Variants in B3GAT1 observed in about 807,000 individuals in gnomAD.
B3GAT1 encodes beta-1,3-glucuronyltransferase 1, also known as galactosylgalactosylxylosylprotein 3-beta-glucuronosyltransferase 1.
Under a neutral mutation model 28.4 loss-of-function variants are expected in B3GAT1, and 11 were observed. The observed-to-expected ratio is 0.39, with a 90% confidence interval of 0.24 to 0.64. The LOEUF (loss-of-function observed/expected upper bound fraction) is 0.64, where lower values mean the gene tolerates loss of function less well. Among genes scored for constraint, B3GAT1 ranks in the 30% least tolerant of loss-of-function variants. The probability of loss-of-function intolerance (pLI) is 0.50; values close to 1 mark genes in which losing one functional copy is unlikely to be tolerated. For synonymous variants in B3GAT1, 255 were observed against 223.1 expected, an observed-to-expected ratio of 1.14 and a Z score of -1.27; for missense variants, 375 against 491.0, an observed-to-expected ratio of 0.76 and a Z score of 2.23.
chr11:134,403,236 A>G (rs905631825), intron 1 of B3GAT1, among the ~76,000 whole-genome samples: 1 of 151,966 alleles, frequency 6.6e-6, no homozygotes, highest in Admixed American at 6.6e-5. Context: ...TCCCATCCCC[A>G]GGTAGACTCT....
At chr11:134,396,646 C>T (rs571687855) in intron 1 of B3GAT1, among the ~76,000 whole-genome samples, 63 of 152,260 alleles carry the variant, frequency 4.1e-4, no homozygotes, top group African/African-American at 1.5e-3. Context: ...TCAGGCAAAC[C>T]GTCTGCCACA....
chr11:134,383,136 G>T (rs2136302715), intron 3 of B3GAT1, 130 bp from the exon 4 acceptor site: 1 of 1,022,890 alleles, frequency 9.8e-7, no homozygotes, highest in Non-Finnish European at 1.4e-6. Context: ...CCTAGGGGGT[G>T]TCCAGTACAG....
intron 1 of B3GAT1, among the ~76,000 whole-genome samples, chr11:134,399,614 A>C (rs1302771540): frequency 6.6e-6 from 1 of 152,156 alleles, no homozygotes; most frequent in African/African-American, 2.4e-5. Flanking sequence ...GCAGTCCAGA[A>C]CCCAGAAAGG....
chr11:134,387,621 G>T lies in B3GAT1; in HGVS notation c.39C>A (p.Ile13=), dbSNP rs185221306. The change falls in exon 2 of 6, where the codon ATC becomes ATA. Residue 13 remains isoleucine, a synonymous_variant. Transcript: ENST00000312527. ...TGATGAGCAGAGTCCAGGGCAGCAC[G>T]ATGAGGACGATCGCTAGGATGTCCC... The part of the protein sequence containing the change: ...KRRDILAIVL[I]VLPWTLLITV... The T allele has an allele frequency of 6.2e-7, 1 of 1,614,188 alleles. No individual in the cohort carries two copies.
In B3GAT1 at chr11:134,411,276, A is replaced by G. The variant is rs1378596446; in HGVS notation, c.-282+531T>C. Among the ~76,000 whole-genome samples the G allele has an allele frequency of 6.6e-6, 1 of 152,072 alleles. No homozygotes were observed. The highest frequency in any genetic ancestry group is 1.5e-5 in the Non-Finnish European group (1 of 68,006). On this transcript the variant is annotated intron_variant, in intron 1 of 5. Coordinates refer to ENST00000312527, the MANE Select transcript of B3GAT1 (RefSeq NM_054025.3). The surrounding 1 kb of genome is among the most constrained non-coding windows in gnomAD (Gnocchi z 6.0). ...CGCCTCCTTCCTCCTTGCTACACCG[A>G]AGGTCCCAAGGGCCCTTTGCCACCC...
Position 134,383,683 on chromosome 11 carries a change from T to C in B3GAT1, c.618A>G (p.Glu206=). 1 of 1,566,792 alleles carries C rather than the reference T, an allele frequency of 6.4e-7. No homozygotes were observed. Among genetic ancestry groups the C allele is most frequent in the East Asian group, 2.3e-5 (1 of 43,810 alleles). The change falls in exon 3 of 6, where the codon GAA becomes GAG. Residue 206 remains glutamate, a synonymous_variant. Transcript: ENST00000312527. ...DDNTYSLELF[E]EMRSTRRVSV... Reference sequence around the variant, plus strand: ...TCACTGTCGGGCCCTCCCTCACCTCTTCGAAGAGCTCCAGGCTGTAGGTGT... The same window carrying C: ...TCACTGTCGGGCCCTCCCTCACCTCCTCGAAGAGCTCCAGGCTGTAGGTGT...
intron 5 of B3GAT1, chr11:134,381,545 A>G: frequency 9.0e-6 from 2 of 221,940 alleles, no homozygotes; most frequent in South Asian, 8.0e-5. Flanking sequence ...AGTCCTCACC[A>G]TGGCCACGTG....
intron 1 of B3GAT1, among the ~76,000 whole-genome samples, chr11:134,400,784 AAAG>A (rs1251429454): frequency 6.6e-6 from 1 of 152,244 alleles, no homozygotes; most frequent in African/African-American, 2.4e-5. Flanking sequence ...TAATTAAACT[AAAG>A]AGCTTCTGTG....
chr11:134,399,063 G>T (rs1039750584), intron 1 of B3GAT1, among the ~76,000 whole-genome samples: 1 of 152,194 alleles, frequency 6.6e-6, no homozygotes, highest in African/African-American at 2.4e-5. Context: ...CCCCGGGGGG[G>T]CTCACTGCAG....
Position 134,412,098 on chromosome 11 carries a change from G to GGGGGA in B3GAT1, c.-574_-573insTCCCC, listed in dbSNP as rs1565463028. 1.9e-4 allele frequency among the ~76,000 whole-genome samples: 9 copies of GGGGGA among 48,258 alleles called. No homozygotes were observed. The highest frequency in any genetic ancestry group is 1.4e-3 in the East Asian group (1 of 702). 31.7% of individuals were successfully genotyped at this position (48,258 alleles called of 152,430 possible). A position where few individuals can be genotyped will look rare whatever the true frequency, so the allele number is the denominator to read the frequency against. On this transcript the variant is annotated 5_prime_UTR_variant, in exon 1 of 6. Transcript: ENST00000312527. ...GCGGGCAGGGAGGCGGGGGGCGGGGGGCGGGGAGGGGGAGCGGGGAGGGGG... is the reference window on the plus strand; with the variant it reads ...GCGGGCAGGGAGGCGGGGGGCGGGGGGGGGAGCGGGGAGGGGGAGCGGGGAGGGGG...
At position 134,383,892 on chromosome 11, in the gene B3GAT1, T is replaced by G. The variant is rs746416551; in HGVS notation, c.409A>C (p.Thr137Pro). 1 of 1,595,948 alleles carries G rather than the reference T, an allele frequency of 6.3e-7. No homozygotes were observed. The highest frequency in any genetic ancestry group is 8.5e-7 in the Non-Finnish European group (1 of 1,175,308). ...TPLTARLLRD[T>P]GLNYTHLHVE... is the part of the protein sequence containing the mutation. ...TGCAGGTGCGTGTAGTTGAGGCCGG[T>G]GTCGCGCAGCAGGCGCGCGGTCAGC... Residue 137 changes from threonine to proline, a missense_variant, in exon 3 of 6, where the codon ACC (threonine) becomes CCC (proline). Physicochemically the swap from Thr to Pro is conservative, Grantham distance 38. Coordinates refer to ENST00000312527, the MANE Select transcript of B3GAT1 (RefSeq NM_054025.3).
Position 134,382,978 on chromosome 11 carries a change from C to T in B3GAT1, c.650G>A (p.Trp217Ter). 6.3e-7 allele frequency: 1 copy of T among 1,585,396 alleles called. No homozygotes were observed. Among genetic ancestry groups the T allele is most frequent in the Non-Finnish European group, 8.6e-7 (1 of 1,165,106 alleles). ...EMRSTRRVSV[W>*]PVAFVGGLRY... ...CAGGCCACCCACGAAGGCGACGGGCCACACGGACACCCTCCTGGTGCTGCG... is the reference window on the plus strand; with the variant it reads ...CAGGCCACCCACGAAGGCGACGGGCTACACGGACACCCTCCTGGTGCTGCG... The change falls in exon 4 of 6, where the codon TGG becomes TAG. Residue 217 changes from tryptophan to a stop codon, truncating the protein, a stop_gained. Transcript: ENST00000312527. LOFTEE classifies it high-confidence loss of function.
At chr11:134,396,776 T>C (rs559658632) in intron 1 of B3GAT1, among the ~76,000 whole-genome samples, 1 of 152,226 alleles carries the variant, frequency 6.6e-6, no homozygotes, top group South Asian at 2.1e-4. Flanking sequence ...TCCGGGCTGC[T>C]TGCTGGAGGG....
chr11:134,387,203 CCACTTCCCACCTCCCCCTCCCTT>C (rs1356240449), intron 2 of B3GAT1: 21 of 287,724 alleles, frequency 7.3e-5, no homozygotes, highest in South Asian at 1.2e-4. Context: ...CCCACTCCCT[CCACTTCCCACCTCCCCCTCCCTT>C]CACTTCCCAC....
At chr11:134,406,855 C>A (rs1280780653) in intron 1 of B3GAT1, among the ~76,000 whole-genome samples, 1 of 150,770 alleles carries the variant, frequency 6.6e-6, no homozygotes, top group Non-Finnish European at 1.5e-5. Context: ...ACTTAGCCAC[C>A]CTGCCAAAAC....
chr11:134,387,269 C>T (rs914475241), intron 2 of B3GAT1: 5 of 402,570 alleles, frequency 1.2e-5, no homozygotes, highest in South Asian at 7.5e-5. Context: ...GGGGGCAGGG[C>T]GTGCCCCCTC....
chr11:134,407,482 T>C (rs1224462879), intron 1 of B3GAT1, among the ~76,000 whole-genome samples: 2 of 152,222 alleles, frequency 1.3e-5, no homozygotes, highest in Non-Finnish European at 2.9e-5. Flanking sequence ...GCTCCTGCCA[T>C]GGCTCAGAAG....
chr11:134,381,892 C>T, intron 5 of B3GAT1, 32 bp downstream of exon 5: 1 of 1,557,184 alleles, frequency 6.4e-7, no homozygotes, highest in Non-Finnish European at 8.9e-7. Context: ...CCGCCCTGCC[C>T]AGTGTGTGGC....
At position 134,403,983 on chromosome 11, in the gene B3GAT1, T is replaced by TTATATATATA. The variant is rs55794505; in HGVS notation, c.-282+7814_-282+7823dup. 1.5e-3 allele frequency among the ~76,000 whole-genome samples: 61 copies of TTATATATATA among 40,662 alleles called. 1 individual carries two copies. The highest frequency in any genetic ancestry group is 2.7e-3 in the East Asian group (2 of 746). 26.7% of individuals were successfully genotyped at this position (40,662 alleles called of 152,430 possible). A position where few individuals can be genotyped will look rare whatever the true frequency, so the allele number is the denominator to read the frequency against. On this transcript the variant is annotated intron_variant, in intron 1 of 5. Transcript: ENST00000312527. ...TTTAACGGGTACAGAGTTTCTTTCT[T>TTATATATATA]TATATATATATATATATATATATAT... is the stretch of plus-strand genomic sequence containing the variant.
Sources: allele counts gnomAD v4.1 joint callset (sites outside exome capture counted in the v4.1 genomes callset), GRCh38; gene constraint gnomAD v4.1.1; non-coding constraint Gnocchi (gnomAD v3.1); transcripts MANE v1.5; gene names NCBI Gene and HGNC (gene_info 2026-07-23, HGNC 2026-07-21).